Variants in PDLIM2 observed in about 807,000 individuals in gnomAD.
PDLIM2 encodes the protein PDZ and LIM domain 2, also known as PDZ and LIM domain protein 2.
A neutral mutation model predicts 54.1 loss-of-function variants in PDLIM2; 51 were observed. That is an observed-to-expected ratio of 0.94 (90% CI 0.75 to 1.19). The LOEUF (loss-of-function observed/expected upper bound fraction) is 1.19. Ranked by LOEUF, PDLIM2 falls within the 50% of genes most tolerant of loss-of-function variation. The pLI is 0.00. For synonymous variants in PDLIM2, 398 were observed against 385.6 expected (o/e 1.03, Z -0.38); for missense variants, 912 against 874.0 (o/e 1.04, Z -0.55).
At chr8:22,579,168 C>A in exon 1 of PDLIM2, 1 of 1,347,418 alleles carries the variant, frequency 7.4e-7, no homozygotes, top group Non-Finnish European at 9.5e-7. Context: ...TGGCGTCTCC[C>A]CGCCTTCCCT....
chr8:22,593,929 C>T (rs978622667), exon 10 of PDLIM2: 11 of 1,545,674 alleles, frequency 7.1e-6, no homozygotes, highest in Non-Finnish European at 8.7e-6. Context: ...TGCCCTCAGC[C>T]TGCCTCACTG....
chr8:22,579,470 T>C, exon 1 of PDLIM2: 2 of 1,516,094 alleles, frequency 1.3e-6, no homozygotes, highest in African/African-American at 1.4e-5. Context: ...AGCCGGGCCA[T>C]CGGGCTGGGC....
rs927664678 is a variant in PDLIM2, at chr8:22,579,057, G to C, written c.278G>C (p.Arg93Thr). The C allele has an allele frequency of 6.4e-6, 8 of 1,249,206 alleles. No homozygotes were observed. The African/African-American group carries it at 1.2e-4, about 19-fold the overall frequency. The allele number at this position is 1,249,206 out of a possible 1,614,324, so 77.4% of individuals were successfully genotyped here. ...GCGGAGGCGGCGGCTTCTCGGGCTA[G>C]GGGCGGCGGCAGGGGCGGCCCCGGG... Residue 93 changes from arginine (R) to threonine (T), a missense_variant, in exon 1 of 10, where the codon AGG becomes ACG. Physicochemically the swap from Arg to Thr is moderately conservative, Grantham distance 71 (BLOSUM62 -1). Coordinates refer to ENST00000308354, the Ensembl canonical transcript of PDLIM2.
At chr8:22,584,889 A>G (rs761549418) in exon 4 of PDLIM2, 2 of 1,614,060 alleles carry the variant, frequency 1.2e-6, no homozygotes, top group South Asian at 1.1e-5. Context: ...ACTCGCTTCC[A>G]GGTAAGCTGG....
chr8:22,583,854 G>GAAAAAAAAAAAAAA (rs530039600), intron 3 of PDLIM2, among the ~76,000 whole-genome samples: 2 of 79,132 alleles, frequency 2.5e-5, no homozygotes, highest in African/African-American at 5.4e-5. Context: ...AGGCAAAATA[G>GAAAAAAAAAAAAAA]AAAAAAAAAA....
chr8:22,580,679 G>A (rs368150612), exon 2 of PDLIM2: 75 of 1,613,892 alleles, frequency 4.6e-5, no homozygotes, highest in Middle Eastern at 1.6e-4. Context: ...ATTTCCACAC[G>A]CCCATCATGG....
chr8:22,588,868 T>G, intron 6 of PDLIM2: 2 of 213,268 alleles, frequency 9.4e-6, no homozygotes, highest in East Asian at 1.7e-4. Context: ...TCCCTTTATG[T>G]TTCTATCTCC....
intron 6 of PDLIM2, chr8:22,588,976 G>A (rs1800453225): frequency 1.8e-5 from 9 of 493,876 alleles, no homozygotes; most frequent in South Asian, 1.3e-4. Context: ...AATAGCGTGC[G>A]TGACAGAGGA....
At chr8:22,578,876 C>T in exon 1 of PDLIM2, 2 of 1,236,852 alleles carry the variant, frequency 1.6e-6, no homozygotes, top group Non-Finnish European at 2.0e-6. Flanking sequence ...CCTGGACCGG[C>T]TCTGCTGTGC....
intron 8 of PDLIM2, 92 bp from the exon 8 acceptor site, chr8:22,591,459 G>C: frequency 8.9e-7 from 1 of 1,119,630 alleles, no homozygotes; most frequent in Non-Finnish European, 1.4e-6. Flanking sequence ...TCTCTTATAA[G>C]GGTGCTTTCC....
chr8:22,586,743 C>A (rs1005445527), intron 6 of PDLIM2, among the ~76,000 whole-genome samples: 3 of 152,138 alleles, frequency 2.0e-5, no homozygotes, highest in Non-Finnish European at 2.9e-5. Context: ...CAAGGGCAAG[C>A]CTTCCCGAGC....
At chr8:22,581,166 C>T (rs1800189707) in intron 2 of PDLIM2, 4 of 657,484 alleles carry the variant, frequency 6.1e-6, no homozygotes, top group Non-Finnish European at 1.1e-5. Context: ...CTTTGGGAGG[C>T]CCATTAGAAT....
chr8:22,593,454 G>T (rs1292530912), intron 9 of PDLIM2: 3 of 399,982 alleles, frequency 7.5e-6, no homozygotes, highest in Non-Finnish European at 1.3e-5. Context: ...GCACATGCTT[G>T]TAATCCCAGC....
chr8:22,594,833 G>A, downstream of PDLIM2: 2 of 922,706 alleles, frequency 2.2e-6, no homozygotes, highest in South Asian at 1.9e-5. Context: ...GGAGGCCTGA[G>A]GAGCCCTCCT....
At chr8:22,586,424 A>C (rs1800384027) in intron 6 of PDLIM2, among the ~76,000 whole-genome samples, 2 of 152,184 alleles carry the variant, frequency 1.3e-5, no homozygotes, top group Admixed American at 6.5e-5. Flanking sequence ...GTGTGGTATT[A>C]ATTACAAAAG....
intron 3 of PDLIM2, among the ~76,000 whole-genome samples, chr8:22,583,234 T>C (rs1334584369): frequency 6.6e-6 from 1 of 152,024 alleles, no homozygotes; most frequent in Non-Finnish European, 1.5e-5. Flanking sequence ...CCCCTCTCGC[T>C]GGTGGGGAGC....
At chr8:22,579,680 C>G in intron 1 of PDLIM2, 1 of 956,626 alleles carries the variant, frequency 1.0e-6, no homozygotes, top group Non-Finnish European at 1.4e-6. Flanking sequence ...GCAGCACTTG[C>G]GTCCCCAGGG....
intron 6 of PDLIM2, chr8:22,587,596 G>C (rs956701593): frequency 2.0e-5 from 3 of 152,268 alleles, no homozygotes; most frequent in Admixed American, 2.0e-4. Context: ...TGATGGGCAG[G>C]TGAAGGGGGA....
chr8:22,589,635 C>G (rs1198345616), exon 8 of PDLIM2: 1 of 1,596,598 alleles, frequency 6.3e-7, no homozygotes, highest in Non-Finnish European at 8.5e-7. Context: ...TGGACGAGGA[C>G]TCGGAAGTCT....
Sources: allele counts gnomAD v4.1 joint callset (sites outside exome capture counted in the v4.1 genomes callset), GRCh38; gene constraint gnomAD v4.1.1; transcripts MANE v1.5; gene names NCBI Gene and HGNC (gene_info 2026-07-23, HGNC 2026-07-21).